PUM2: variants seen among roughly 807,000 people sequenced by gnomAD.
PUM2 encodes pumilio homolog 2.
In PUM2, 57 loss-of-function variants were observed where a neutral mutation model predicts 124.5. The observed-to-expected ratio is 0.46, with a 90% CI of 0.37 to 0.57. The LOEUF (loss-of-function observed/expected upper bound fraction) is 0.57. PUM2 is among the 20% of genes least tolerant of loss of function. PUM2 has a pLI of 0.00. For missense variants in PUM2, 1,065 were observed against 1,290.6 expected, an observed-to-expected ratio of 0.83 and a Z score of 2.68; for synonymous variants, 460 against 446.1, an observed-to-expected ratio of 1.03 and a Z score of -0.39.
At chr2:20,254,098 C>T in intron 19 of PUM2, 84 bp from the exon 20 acceptor site, 1 of 1,160,842 alleles carries the variant, frequency 8.6e-7, no homozygotes, top group Non-Finnish European at 1.2e-6. Context: ...GAATCTTCTC[C>T]AATGAACAAT....
chr2:20,297,151 T>C (rs1361042439), intron 8 of PUM2, among the ~76,000 whole-genome samples: 1 of 152,246 alleles, frequency 6.6e-6, no homozygotes, highest in Admixed American at 6.5e-5. Flanking sequence ...TCAGAATTAC[T>C]GTATCTGTTT....
intron 13 of PUM2, among the ~76,000 whole-genome samples, chr2:20,276,277 AAGAC>A (rs1553369798): frequency 1.4e-5 from 2 of 147,134 alleles, no homozygotes; most frequent in Non-Finnish European, 3.0e-5. Flanking sequence ...TTTTTTTTGA[AAGAC>A]AGCACAGACT....
intron 16 of PUM2, 139 bp downstream of exon 16, chr2:20,258,104 G>A (rs927018452): frequency 1.2e-5 from 9 of 746,014 alleles, no homozygotes; most frequent in African/African-American, 3.6e-5. Context: ...GTGCTATTTA[G>A]GACACAGTAA....
At chr2:20,322,309 C>T (rs1249800771) in intron 2 of PUM2, among the ~76,000 whole-genome samples, 2 of 152,044 alleles carry the variant, frequency 1.3e-5, no homozygotes, top group African/African-American at 4.8e-5. Flanking sequence ...TAAGTTGTAA[C>T]AGGGAGCAGA....
intron 9 of PUM2, among the ~76,000 whole-genome samples, chr2:20,293,609 C>CT (rs1674763781): frequency 6.6e-6 from 1 of 152,018 alleles, no homozygotes; most frequent in South Asian, 2.1e-4. Context: ...ACTTGGAAGA[C>CT]TGAGGTATAA....
chr2:20,251,953 C>CAG (rs1485879683), intron 20 of PUM2, among the ~76,000 whole-genome samples: 2 of 152,158 alleles, frequency 1.3e-5, no homozygotes, highest in East Asian at 1.9e-4. Flanking sequence ...TGGAAACAGG[C>CAG]AGAGGCCCCA....
chr2:20,344,332 C>T (rs1025309463), intron 1 of PUM2, among the ~76,000 whole-genome samples: 2 of 152,116 alleles, frequency 1.3e-5, no homozygotes, highest in Non-Finnish European at 2.9e-5. Flanking sequence ...CCTCCCAAAG[C>T]GTTAGGCGCC....
At chr2:20,265,864 A>AAC (rs1667522656) in intron 13 of PUM2, among the ~76,000 whole-genome samples, 2 of 128,210 alleles carry the variant, frequency 1.6e-5, no homozygotes, top group African/African-American at 5.8e-5. Context: ...CATTACCTCA[A>AAC]ACACCCTTAA....
At position 20,294,787 on chromosome 2, in the gene PUM2, T is replaced by G. The variant is rs533484358; in HGVS notation, c.1010-269A>C. ...ATTCAACATTTAATGAATGCCAATT[T>G]TTGGGTCTGACACTATACAGATAAT... is the stretch of plus-strand genomic sequence containing the variant. On this transcript the variant is annotated intron_variant, in intron 8 of 20. Coordinates refer to ENST00000361078, the MANE Select transcript of PUM2 (RefSeq NM_015317.5). Among the ~76,000 whole-genome samples the G allele has an allele frequency of 1.3e-5, 2 of 152,318 alleles. 1 individual carries two copies. The highest frequency in any genetic ancestry group is 4.1e-4 in the South Asian group (2 of 4,830).
chr2:20,296,761 C>T (rs900308005), intron 8 of PUM2, among the ~76,000 whole-genome samples: 1 of 152,160 alleles, frequency 6.6e-6, no homozygotes, highest in African/African-American at 2.4e-5. Flanking sequence ...GTCTTTGTAG[C>T]CACCTCAACC....
intron 1 of PUM2, among the ~76,000 whole-genome samples, chr2:20,343,161 T>C (rs895383672): frequency 6.6e-6 from 1 of 152,064 alleles, no homozygotes; most frequent in African/African-American, 2.4e-5. Context: ...ATAATTTAAA[T>C]AAACTTACTT....
intron 10 of PUM2, among the ~76,000 whole-genome samples, chr2:20,287,426 GT>G (rs1673000800): frequency 6.6e-6 from 1 of 152,074 alleles, no homozygotes; most frequent in Non-Finnish European, 1.5e-5. Flanking sequence ...ATCACAAAAT[GT>G]TTATGGGCTG....
chr2:20,302,998 T>G (rs965955890), intron 7 of PUM2, among the ~76,000 whole-genome samples: 3 of 152,190 alleles, frequency 2.0e-5, no homozygotes, highest in Admixed American at 6.5e-5. Flanking sequence ...GAGATAGCTG[T>G]GCATGCTGAG....
At chr2:20,275,982 T>G (rs1406309146) in intron 13 of PUM2, among the ~76,000 whole-genome samples, 1 of 152,080 alleles carries the variant, frequency 6.6e-6, no homozygotes, top group East Asian at 1.9e-4. Context: ...TAAATTATTT[T>G]AAAATGTATG....
intron 1 of PUM2, among the ~76,000 whole-genome samples, chr2:20,330,179 T>C (rs142059218): frequency 0.016 from 2,490 of 152,256 alleles, 36 homozygotes; most frequent in Admixed American, 0.043. Context: ...CAGGACAAGA[T>C]TTTAAAGTGC....
At chr2:20,301,058 T>C (rs1310830072) in intron 7 of PUM2, among the ~76,000 whole-genome samples, 2 of 152,252 alleles carry the variant, frequency 1.3e-5, no homozygotes, top group East Asian at 1.9e-4. Context: ...CTTCCAGTTG[T>C]CCCATATTTC....
In PUM2 at chr2:20,250,401, T is replaced by C. The variant is rs1452445635; in HGVS notation, c.*1184A>G. On this transcript the variant is annotated 3_prime_UTR_variant, in exon 21 of 21. Transcript: ENST00000361078. ...ACGTAAATGTACACTAAAATGCAAA[T>C]GTATCCCAAAGAGATAAAACAAATT... 3 of 152,530 alleles carry C rather than the reference T, an allele frequency of 2.0e-5. No individual in the cohort carries two copies. The highest frequency in any genetic ancestry group is 4.4e-5 in the Non-Finnish European group (3 of 68,008). 9.4% of individuals were successfully genotyped at this position (152,530 alleles called of 1,614,324 possible). A position where few individuals can be genotyped will look rare whatever the true frequency, so the allele number is the denominator to read the frequency against.
intron 13 of PUM2, among the ~76,000 whole-genome samples, chr2:20,276,320 C>G (rs1443779239): frequency 6.7e-6 from 1 of 148,680 alleles, no homozygotes; most frequent in Non-Finnish European, 1.5e-5. Context: ...CTGTGAATCT[C>G]AAATAACTAA....
At chr2:20,301,517 A>G (rs1213683413) in intron 7 of PUM2, among the ~76,000 whole-genome samples, 1 of 152,200 alleles carries the variant, frequency 6.6e-6, no homozygotes, top group East Asian at 1.9e-4. Flanking sequence ...ACTCTAATCT[A>G]TAACTGTACT....
Sources: gnomAD v4.1 joint callset for allele counts (sites outside exome capture counted in the v4.1 genomes callset) on GRCh38, gnomAD v4.1.1 for gene constraint, MANE v1.5 for transcripts, NCBI Gene and HGNC (gene_info 2026-07-23, HGNC 2026-07-21) for gene names.